The following CREB1 variants were observed in gnomAD, a reference collection of about 807,000 sequenced individuals.
CREB1 encodes cAMP responsive element binding protein 1, also known as cyclic AMP-responsive element-binding protein 1.
A neutral mutation model predicts 42.0 loss-of-function variants in CREB1; 2 were observed. The ratio of observed to expected loss-of-function variants is 0.05; its 90% CI spans 0.02 to 0.15. CREB1 has a LOEUF of 0.15. Ranked by LOEUF, CREB1 falls within the 10% of genes least tolerant of loss-of-function variation. CREB1 has a pLI of 1.00. For synonymous variants in CREB1, 123 were observed against 139.9 expected (o/e 0.88, Z 0.85); for missense variants, 199 against 388.9 (o/e 0.51, Z 4.11).
intron 1 of CREB1, among the ~76,000 whole-genome samples, chr2:207,544,896 T>C (rs1574784314): frequency 6.6e-6 from 1 of 152,252 alleles, no homozygotes; most frequent in Non-Finnish European, 1.5e-5. Context: ...GCAAAGGACA[T>C]GATCTTGTTC....
At chr2:207,533,290 C>A (rs2080730215) in intron 1 of CREB1, among the ~76,000 whole-genome samples, 1 of 151,932 alleles carries the variant, frequency 6.6e-6, no homozygotes, top group South Asian at 2.1e-4. Context: ...TTTCTACTTT[C>A]TGAAACTCAT....
At chr2:207,531,237 T>A (rs1398094940) in intron 1 of CREB1, among the ~76,000 whole-genome samples, 3 of 152,184 alleles carry the variant, frequency 2.0e-5, no homozygotes, top group African/African-American at 7.2e-5. Flanking sequence ...CAACCGCGTT[T>A]GGGTCATCTG....
chr2:207,596,223 T>G (rs999556734), intron 7 of CREB1, among the ~76,000 whole-genome samples: 1 of 152,226 alleles, frequency 6.6e-6, no homozygotes, highest in African/African-American at 2.4e-5. Flanking sequence ...TTGAAGAGAC[T>G]GTTAGATTTT....
At chr2:207,578,572 G>T (rs975698094) in intron 7 of CREB1, among the ~76,000 whole-genome samples, 5 of 152,222 alleles carry the variant, frequency 3.3e-5, no homozygotes, top group Admixed American at 1.3e-4. Context: ...AAGTATTGTT[G>T]TAAGAGTCAA....
intron 7 of CREB1, among the ~76,000 whole-genome samples, chr2:207,594,369 A>G (rs1306813857): frequency 1.3e-5 from 2 of 152,170 alleles, no homozygotes; most frequent in African/African-American, 4.8e-5. Context: ...CCGGTAAACA[A>G]CAACTCCCCA....
chr2:207,541,044 A>T (rs925041396), intron 1 of CREB1, among the ~76,000 whole-genome samples: 2 of 152,128 alleles, frequency 1.3e-5, no homozygotes, highest in Non-Finnish European at 2.9e-5. Context: ...ACATGGTGAA[A>T]CCCTGTTCCT....
chr2:207,602,097 T>A lies in CREB1; in HGVS notation c.*5039T>A, dbSNP rs898304250. ...GTCTCATCTGCTTATGATAAGTTCT[T>A]ATTGATTAGTGAATGTAGCTTAAGC... On this transcript the variant is annotated 3_prime_UTR_variant, in exon 8 of 8. Transcript: ENST00000353267. The A allele has an allele frequency of 4.9e-6, 1 of 205,084 alleles. No individual in the cohort carries two copies. Among genetic ancestry groups the A allele is most frequent in the Non-Finnish European group, 1.0e-5 (1 of 100,344 alleles). The allele number at this position is 205,084 out of a possible 1,614,324, so 12.7% of individuals were successfully genotyped here. A position where few individuals can be genotyped will look rare whatever the true frequency, so the allele number is the denominator to read the frequency against.
Position 207,559,185 on chromosome 2 carries a change from GC to G in CREB1, c.115-1039del. 2 of 305,106 alleles carry G rather than the reference GC, an allele frequency of 6.6e-6. 1 individual carries two copies. The highest frequency in any genetic ancestry group is 9.6e-6 in the Non-Finnish European group (2 of 208,298). 18.9% of individuals were successfully genotyped at this position (305,106 alleles called of 1,614,324 possible). On this transcript the variant is annotated intron_variant, in intron 2 of 7. Transcript: ENST00000353267. ...GCTGAGCTGCTGGTTATCCCACTCT[GC>G]CATGTGTGCTGTTTCTCTTTGCTTT...
At chr2:207,548,686 T>G (rs1215365161) in intron 1 of CREB1, among the ~76,000 whole-genome samples, 2 of 151,998 alleles carry the variant, frequency 1.3e-5, no homozygotes, top group Non-Finnish European at 2.9e-5. Flanking sequence ...GGGAGGCAGA[T>G]GTTGCAGTGA....
intron 1 of CREB1, among the ~76,000 whole-genome samples, chr2:207,538,428 G>C (rs1559262960): frequency 1.3e-5 from 2 of 152,258 alleles, no homozygotes; most frequent in East Asian, 1.9e-4. Context: ...ACTCCTTGAT[G>C]AACTTACAGA....
chr2:207,543,905 A>G (rs924566045), intron 1 of CREB1, among the ~76,000 whole-genome samples: 4 of 151,388 alleles, frequency 2.6e-5, no homozygotes, highest in African/African-American at 7.3e-5. Context: ...CGCCCAGCCA[A>G]AATTTGTTTT....
intron 1 of CREB1, among the ~76,000 whole-genome samples, chr2:207,531,479 T>C (rs879033931): frequency 6.6e-6 from 1 of 152,220 alleles, no homozygotes; most frequent in Admixed American, 6.5e-5. Flanking sequence ...ATTGACACAT[T>C]AAAAATTAAA....
chr2:207,547,862 G>A (rs187819458), intron 1 of CREB1, among the ~76,000 whole-genome samples: 136 of 151,730 alleles, frequency 9.0e-4, no homozygotes, highest in African/African-American at 3.2e-3. Flanking sequence ...GTTGAAAGGC[G>A]CTATAGAGTT....
At chr2:207,561,014 A>G in intron 3 of CREB1, 2 of 970,420 alleles carry the variant, frequency 2.1e-6, no homozygotes, top group South Asian at 2.7e-5. Flanking sequence ...GGGAACCGAG[A>G]GCAGTATAGA....
chr2:207,575,465 T>G lies in CREB1; in HGVS notation c.688+11T>G, dbSNP rs1176832607. The G allele has an allele frequency of 1.3e-6, 2 of 1,595,936 alleles. No individual in the cohort carries two copies. The highest frequency in any genetic ancestry group is 1.7e-6 in the Non-Finnish European group (2 of 1,166,994). ...AAGTTGTTGTTCAAGGTAAGGGAAT[T>G]CAGAATTCACAGGTGTGGTAAATTC... On this transcript the variant is annotated intron_variant, in intron 6 of 7. Transcript: ENST00000353267.
intron 1 of CREB1, among the ~76,000 whole-genome samples, chr2:207,534,976 C>A (rs1319142507): frequency 1.3e-5 from 2 of 152,158 alleles, no homozygotes; most frequent in Non-Finnish European, 2.9e-5. Context: ...TGTATCAGCA[C>A]ATAAAGAGCT....
intron 7 of CREB1, among the ~76,000 whole-genome samples, chr2:207,596,674 C>T (rs1288403434): frequency 6.6e-6 from 1 of 152,200 alleles, no homozygotes; most frequent in Non-Finnish European, 1.5e-5. Context: ...CTCAGGTGAT[C>T]TCCCTGCCTT....
At chr2:207,570,784 T>G (rs1000623323) in intron 5 of CREB1, among the ~76,000 whole-genome samples, 1 of 152,192 alleles carries the variant, frequency 6.6e-6, no homozygotes, top group Non-Finnish European at 1.5e-5. Context: ...ATGGCTTGGT[T>G]GAGTCAGCAC....
intron 6 of CREB1, 97 bp downstream of exon 6, chr2:207,575,551 A>C: frequency 9.8e-7 from 1 of 1,020,716 alleles, no homozygotes; most frequent in East Asian, 2.5e-5. Flanking sequence ...GCAAACCACC[A>C]TTCAAATGTA....
Sources: gnomAD v4.1 joint callset for allele counts (sites outside exome capture counted in the v4.1 genomes callset) on GRCh38, gnomAD v4.1.1 for gene constraint, MANE v1.5 for transcripts, NCBI Gene and HGNC (gene_info 2026-07-23, HGNC 2026-07-21) for gene names.